The following KIRREL1 variants were observed in gnomAD, a reference collection of about 807,000 sequenced individuals.
KIRREL1 encodes kirre like nephrin family adhesion molecule 1.
In KIRREL1, 25 loss-of-function variants were observed where a neutral mutation model predicts 83.3. The ratio of observed to expected loss-of-function variants is 0.30; its 90% CI spans 0.22 to 0.42. The LOEUF (loss-of-function observed/expected upper bound fraction) is 0.42, where lower values mean the gene tolerates loss of function less well. KIRREL1 is among the 10% of genes least tolerant of loss of function. The pLI is 1.00. For missense variants in KIRREL1, 812 were observed against 1,032.3 expected, an observed-to-expected ratio of 0.79 and a Z score of 2.92; for synonymous variants, 388 against 410.4, an observed-to-expected ratio of 0.95 and a Z score of 0.66.
At chr1:158,043,453 ATCAGAT>A (rs1195829992) in intron 1 of KIRREL1, among the ~76,000 whole-genome samples, 69 of 152,038 alleles carry the variant, frequency 4.5e-4, no homozygotes, top group Non-Finnish European at 1.5e-5. Context: ...CCCAGGCGGG[ATCAGAT>A]ATGGTCTTTG....
At chr1:158,074,408 T>C (rs1056350633) in intron 1 of KIRREL1, among the ~76,000 whole-genome samples, 7 of 152,078 alleles carry the variant, frequency 4.6e-5, no homozygotes, top group Non-Finnish European at 1.0e-4. Flanking sequence ...CAACAACCAG[T>C]GGGGATGGAT....
intron 9 of KIRREL1, 32 bp downstream of exon 9, chr1:158,089,660 T>G: frequency 1.9e-6 from 3 of 1,613,486 alleles, no homozygotes; most frequent in Non-Finnish European, 2.5e-6. Context: ...CAGCCGGGCC[T>G]GGGCGGGCTG....
chr1:158,070,179 G>T (rs573435574), intron 1 of KIRREL1, among the ~76,000 whole-genome samples: 1 of 152,320 alleles, frequency 6.6e-6, no homozygotes, highest in South Asian at 2.1e-4. Context: ...TGTAGGGCAG[G>T]AAGAAGGAGT....
At chr1:158,053,397 A>G (rs986118242) in intron 1 of KIRREL1, among the ~76,000 whole-genome samples, 1 of 152,222 alleles carries the variant, frequency 6.6e-6, no homozygotes. Flanking sequence ...TAAGGTTGCC[A>G]TGCACAAGTA....
At chr1:158,086,952 C>A (rs577374783) in intron 5 of KIRREL1, among the ~76,000 whole-genome samples, 75 of 152,208 alleles carry the variant, frequency 4.9e-4, no homozygotes, top group African/African-American at 1.7e-3. Context: ...GTCAGGCAGT[C>A]CCCAGGTCTA....
chr1:158,080,094 C>T lies in KIRREL1; in HGVS notation c.352+1954C>T, dbSNP rs190699692. 5.1e-4 allele frequency among the ~76,000 whole-genome samples: 78 copies of T among 152,276 alleles called. 1 individual carries two copies. The highest frequency in any genetic ancestry group is 4.2e-3 in the Admixed American group (65 of 15,296). On this transcript the variant is annotated intron_variant, in intron 3 of 14. Coordinates refer to ENST00000359209, the MANE Select transcript of KIRREL1 (RefSeq NM_018240.7). ...TGCCAAGACATCATCTTTCATCCCT[C>T]ACTGAGGTGTGTCAGCCCCATGCTC...
chr1:158,011,577 G>A (rs938592502), intron 1 of KIRREL1, among the ~76,000 whole-genome samples: 1 of 152,172 alleles, frequency 6.6e-6, no homozygotes, highest in Non-Finnish European at 1.5e-5. Context: ...GGAAGTAGAG[G>A]GTCTTATTGT....
chr1:158,077,221 G>A (rs1418397243), intron 2 of KIRREL1, among the ~76,000 whole-genome samples: 1 of 152,192 alleles, frequency 6.6e-6, no homozygotes, highest in African/African-American at 2.4e-5. Context: ...GAGGAAATTC[G>A]TCTGTGTAGA....
At chr1:157,995,479 C>A (rs1220964313) in intron 1 of KIRREL1, among the ~76,000 whole-genome samples, 1 of 151,466 alleles carries the variant, frequency 6.6e-6, no homozygotes, top group Non-Finnish European at 1.5e-5. Flanking sequence ...AGGGGGTGGG[C>A]CATGGTGGTG....
At chr1:158,088,270 T>C (rs1327977706) in intron 7 of KIRREL1, 57 bp from the exon 8 acceptor site, 3 of 1,600,480 alleles carry the variant, frequency 1.9e-6, no homozygotes, top group East Asian at 4.5e-5. Flanking sequence ...GGAAGATTGA[T>C]TGGAGTTAAC....
chr1:158,083,329 G>A lies in KIRREL1; in HGVS notation c.353-1093G>A, dbSNP rs11264907. Among the ~76,000 whole-genome samples, 920 of 152,336 alleles carry A rather than the reference G, an allele frequency of 6.0e-3. 8 individuals are homozygous for A. Among genetic ancestry groups the A allele is most frequent in the African/African-American group, 0.021 (866 of 41,574 alleles). ...GTTATAAGTAAACAAAATCCAAGGC[G>A]CTAAGAGCTCTGAGTGACTGGTGGG... is the stretch of plus-strand genomic sequence containing the variant. On this transcript the variant is annotated intron_variant, in intron 3 of 14. Coordinates refer to ENST00000359209, the MANE Select transcript of KIRREL1 (RefSeq NM_018240.7).
At chr1:158,045,831 C>A (rs925102223) in intron 1 of KIRREL1, among the ~76,000 whole-genome samples, 1 of 152,224 alleles carries the variant, frequency 6.6e-6, no homozygotes, top group Non-Finnish European at 1.5e-5. Flanking sequence ...TCCAGAGTCA[C>A]CTCATTAGCA....
chr1:158,033,157 T>C (rs1272022950), intron 1 of KIRREL1, among the ~76,000 whole-genome samples: 1 of 152,144 alleles, frequency 6.6e-6, no homozygotes, highest in Non-Finnish European at 1.5e-5. Context: ...CTGCAACCTC[T>C]GCCTCCCAGG....
intron 1 of KIRREL1, among the ~76,000 whole-genome samples, chr1:158,017,228 C>G (rs2101646834): frequency 6.6e-6 from 1 of 152,272 alleles, no homozygotes; most frequent in African/African-American, 2.4e-5. Context: ...CCTGCTTCCT[C>G]CTGCGTTTCT....
At chr1:158,052,371 T>C (rs887135168) in intron 1 of KIRREL1, among the ~76,000 whole-genome samples, 2 of 152,186 alleles carry the variant, frequency 1.3e-5, no homozygotes, top group African/African-American at 4.8e-5. Flanking sequence ...CTAAGTGATA[T>C]CTCCTCTATG....
chr1:158,044,383 G>A (rs555883664), intron 1 of KIRREL1, among the ~76,000 whole-genome samples: 4 of 152,348 alleles, frequency 2.6e-5, no homozygotes, highest in Admixed American at 2.0e-4. Flanking sequence ...ACTTTAATGA[G>A]AAGCGGACAA....
rs2101654697 is a variant in KIRREL1, at chr1:158,098,494, C to T, written c.*3374C>T. The T allele has an allele frequency of 6.6e-6, 1 of 152,342 alleles. No individual in the cohort carries two copies. Among genetic ancestry groups the T allele is most frequent in the Admixed American group, 6.5e-5 (1 of 15,300 alleles). The allele number at this position is 152,342 out of a possible 1,614,324, so 9.4% of individuals were successfully genotyped here. A position where few individuals can be genotyped will look rare whatever the true frequency, so the allele number is the denominator to read the frequency against. On this transcript the variant is annotated 3_prime_UTR_variant, in exon 15 of 15. Coordinates refer to ENST00000359209, the MANE Select transcript of KIRREL1 (RefSeq NM_018240.7). Reference sequence around the variant, plus strand: ...CGGGGAGTAAGCACAGCTGCCCCTGCCTGAGAAGGAGCAGCTTGCAAGGGG... The same window carrying T: ...CGGGGAGTAAGCACAGCTGCCCCTGTCTGAGAAGGAGCAGCTTGCAAGGGG...
chr1:157,997,825 C>T (rs555676303), intron 1 of KIRREL1, among the ~76,000 whole-genome samples: 164 of 152,344 alleles, frequency 1.1e-3, no homozygotes, highest in Non-Finnish European at 1.9e-3. Context: ...ATCTATGCTA[C>T]AGCCCCCTGA....
intron 1 of KIRREL1, among the ~76,000 whole-genome samples, chr1:158,039,439 A>G (rs1052262607): frequency 6.6e-6 from 1 of 152,144 alleles, no homozygotes; most frequent in Non-Finnish European, 1.5e-5. Context: ...AGTAGAGAAA[A>G]CAATTAGTGG....
Sources: allele counts gnomAD v4.1 joint callset (sites outside exome capture counted in the v4.1 genomes callset), GRCh38; gene constraint gnomAD v4.1.1; transcripts MANE v1.5; gene names NCBI Gene and HGNC (gene_info 2026-07-23, HGNC 2026-07-21).